The following SPATA6L variants were observed in gnomAD, a reference collection of about 807,000 sequenced individuals.
SPATA6L encodes spermatogenesis associated 6 like, also known as spermatogenesis associated 6-like protein.
A neutral mutation model predicts 49.2 loss-of-function variants in SPATA6L; 68 were observed. The observed-to-expected ratio is 1.38, with a 90% CI of 1.14 to 1.69. SPATA6L has a LOEUF of 1.69. Ranked by LOEUF, SPATA6L falls within the 40% of genes most tolerant of loss-of-function variation. The pLI is 0.00. For synonymous variants in SPATA6L, 198 were observed against 165.7 expected, an observed-to-expected ratio of 1.19 and a Z score of -1.50; for missense variants, 668 against 464.3, an observed-to-expected ratio of 1.44 and a Z score of -4.03.
intron 9 of SPATA6L, among the ~76,000 whole-genome samples, chr9:4,607,370 A>G (rs1012625393): frequency 5.9e-5 from 9 of 152,154 alleles, no homozygotes; most frequent in Non-Finnish European, 1.2e-4. Flanking sequence ...AAATGAAGGA[A>G]AAAATGTTAA....
At chr9:4,649,167 T>C (rs1445975762) in intron 3 of SPATA6L, among the ~76,000 whole-genome samples, 2 of 152,158 alleles carry the variant, frequency 1.3e-5, no homozygotes, top group African/African-American at 4.8e-5. Flanking sequence ...CAATTGCAAA[T>C]TGTGCTGCAT....
At chr9:4,625,712 G>A in intron 5 of SPATA6L, 146 bp from the exon 6 acceptor site, 1 of 529,952 alleles carries the variant, frequency 1.9e-6, no homozygotes, top group South Asian at 4.9e-5. Context: ...AACTTAAGAA[G>A]GACATTTCTC....
chr9:4,619,027 C>T, intron 7 of SPATA6L, 129 bp from the exon 8 acceptor site: 5 of 788,516 alleles, frequency 6.3e-6, no homozygotes, highest in South Asian at 3.5e-5. Context: ...AACTTAAATG[C>T]TCCCTTGTAA....
intron 11 of SPATA6L, among the ~76,000 whole-genome samples, chr9:4,603,398 C>G (rs1419116887): frequency 2.6e-5 from 4 of 152,130 alleles, no homozygotes; most frequent in Admixed American, 2.0e-4. Flanking sequence ...CCATTGCACT[C>G]TAGCCTGGGT....
rs1275975415 is a variant in SPATA6L at position 4,662,909 on chromosome 9, G to A, written c.40-873C>T. On this transcript the variant is annotated intron_variant, in intron 1 of 11. Coordinates refer to ENST00000682582, the MANE Select transcript of SPATA6L (RefSeq NM_001353486.2). This position sits in a 1 kb window ranked among gnomAD's most constrained non-coding sequence, Gnocchi z 4.9. ...TCTTCGCCCTGCTGTTGGACCTGCT[G>A]CTGGTGGCCTTGATCAAAGGGCTGG... 1 of 1,609,304 alleles carries A rather than the reference G, an allele frequency of 6.2e-7. No homozygotes were observed. Among genetic ancestry groups the A allele is most frequent in the Non-Finnish European group, 8.5e-7 (1 of 1,179,986 alleles).
At chr9:4,626,674 G>GT in intron 5 of SPATA6L, 2 of 888,394 alleles carry the variant, frequency 2.3e-6, no homozygotes, top group South Asian at 3.5e-5. Flanking sequence ...TTCTGTTACA[G>GT]TCACAAGTTT....
chr9:4,656,059 C>T lies in SPATA6L; in HGVS notation c.208G>A (p.Val70Ile), dbSNP rs1486249090. ...VFESAVDPGA[V>I]VDLLEMWDEL... ...TACCTACTTTCCAAAAGGTCTACTACAGCTCCAGGATCTACTGCACTTTCA... is the reference window on the plus strand; with the variant it reads ...TACCTACTTTCCAAAAGGTCTACTATAGCTCCAGGATCTACTGCACTTTCA... The change falls in exon 3 of 12, where the codon GTA becomes ATA. Residue 70 changes from valine to isoleucine, a missense_variant. Coordinates refer to ENST00000682582, the MANE Select transcript of SPATA6L (RefSeq NM_001353486.2). 1.2e-6 allele frequency: 2 copies of T among 1,612,816 alleles called. No individual in the cohort carries two copies. Among genetic ancestry groups the T allele is most frequent in the Non-Finnish European group, 1.7e-6 (2 of 1,179,466 alleles).
intron 11 of SPATA6L, among the ~76,000 whole-genome samples, chr9:4,601,942 T>C (rs1823406611): frequency 6.6e-6 from 1 of 152,186 alleles, no homozygotes; most frequent in African/African-American, 2.4e-5. Context: ...CCAGAGTCAC[T>C]TGGGTTTTTC....
rs301488 is a variant in SPATA6L at position 4,662,065 on chromosome 9, G to A, written c.40-29C>T. On this transcript the variant is annotated intron_variant, in intron 1 of 11. Transcript: ENST00000682582. This position sits in a 1 kb window ranked among gnomAD's most constrained non-coding sequence, Gnocchi z 4.9. ...AAAAAGAAAGAAAACAACAAACAAG[G>A]GAGAGAAAACAGACTTTGCTTTGTT... 0.21 allele frequency: 337,374 copies of A among 1,609,636 alleles called. 38,735 individuals are homozygous for A. The highest frequency in any genetic ancestry group is 0.48 in the East Asian group (21,581 of 44,710).
intron 4 of SPATA6L, 50 bp downstream of exon 4, chr9:4,635,225 C>A (rs1832543009): frequency 1.4e-6 from 2 of 1,461,366 alleles, no homozygotes; most frequent in African/African-American, 1.5e-5. Context: ...ACGTTCAGGT[C>A]CCAAGAGTTT....
rs553695666 is a variant in SPATA6L, at chr9:4,659,974, C to T, written c.177+1925G>A. Among the ~76,000 whole-genome samples the T allele has an allele frequency of 2.6e-4, 40 of 152,264 alleles. 1 individual carries two copies. Among genetic ancestry groups the T allele is most frequent in the Non-Finnish European group, 3.8e-4 (26 of 68,022 alleles). On this transcript the variant is annotated intron_variant, in intron 2 of 11. Coordinates refer to ENST00000682582, the MANE Select transcript of SPATA6L (RefSeq NM_001353486.2). The stretch of plus-strand genomic sequence containing the variant: ...AATGGTGCTGGGAAAACTGGCTAAC[C>T]ATATGTAGAAAGCTGAAACTGGATC...
chr9:4,632,393 C>T (rs544362082), intron 4 of SPATA6L, among the ~76,000 whole-genome samples: 2 of 151,644 alleles, frequency 1.3e-5, no homozygotes, highest in Middle Eastern at 3.4e-3. Context: ...GTCAGGAGTT[C>T]GAGACCAGCC....
chr9:4,610,891 C>G (rs921475281), intron 9 of SPATA6L, among the ~76,000 whole-genome samples: 1 of 151,114 alleles, frequency 6.6e-6, no homozygotes, highest in East Asian at 1.9e-4. Flanking sequence ...TTTTTGCAAC[C>G]TACTCATCTG....
At chr9:4,649,084 CACACACACACAT>C (rs1197966997) in intron 3 of SPATA6L, among the ~76,000 whole-genome samples, 5 of 142,876 alleles carry the variant, frequency 3.5e-5, no homozygotes, top group South Asian at 2.1e-4. Flanking sequence ...CACACACACA[CACACACACACAT>C]ATCACAGTTT....
At chr9:4,650,913 G>T (rs1587441678) in intron 3 of SPATA6L, among the ~76,000 whole-genome samples, 1 of 151,526 alleles carries the variant, frequency 6.6e-6, no homozygotes, top group African/African-American at 2.4e-5. Context: ...TATTGGCCAG[G>T]CTGGTCTTGA....
downstream of SPATA6L, among the ~76,000 whole-genome samples, chr9:4,597,836 T>C (rs1822411755): frequency 6.6e-6 from 1 of 152,216 alleles, no homozygotes; most frequent in African/African-American, 2.4e-5. Flanking sequence ...GGTTCTCTGG[T>C]CACAGCATGG....
At chr9:4,620,598 G>T (rs776587040) in intron 7 of SPATA6L, among the ~76,000 whole-genome samples, 1 of 152,218 alleles carries the variant, frequency 6.6e-6, no homozygotes, top group Non-Finnish European at 1.5e-5. Context: ...CCTAAGCAAA[G>T]GGCTGGCTTG....
At chr9:4,661,760 T>TTTTGCTTCAAGGCCGACTGCGGC (rs1554615862) in intron 2 of SPATA6L, 139 bp downstream of exon 2, 3 of 1,178,418 alleles carry the variant, frequency 2.5e-6, no homozygotes, top group Non-Finnish European at 3.5e-6. Context: ...CCGACTGCGG[T>TTTTGCTTCAAGGCCGACTGCGGC]TTTGCATTGT....
At chr9:4,623,864 G>T (rs1006145399) in intron 6 of SPATA6L, among the ~76,000 whole-genome samples, 1 of 152,100 alleles carries the variant, frequency 6.6e-6, no homozygotes, top group African/African-American at 2.4e-5. Flanking sequence ...AAGTCAATTC[G>T]ATATTTTTAT....
Sources: allele counts gnomAD v4.1 joint callset (sites outside exome capture counted in the v4.1 genomes callset), GRCh38; gene constraint gnomAD v4.1.1; non-coding constraint Gnocchi (gnomAD v3.1); transcripts MANE v1.5; gene names NCBI Gene and HGNC (gene_info 2026-07-23, HGNC 2026-07-21).